The following SLIT3 variants were observed in gnomAD, a reference collection of about 807,000 sequenced individuals.
SLIT3 encodes slit homolog 3 protein.
Under a neutral mutation model 184.0 loss-of-function variants are expected in SLIT3, and 68 were observed. The observed-to-expected ratio is 0.37, with a 90% CI of 0.30 to 0.45. The LOEUF is 0.45. Ranked by LOEUF, SLIT3 falls within the 20% of genes least tolerant of loss-of-function variation. The probability of loss-of-function intolerance (pLI) is 1.00; values close to 1 mark genes in which losing one functional copy is unlikely to be tolerated. For synonymous variants in SLIT3, 831 were observed against 828.6 expected, an observed-to-expected ratio of 1.00 and a Z score of -0.05; for missense variants, 1,707 against 2,026.0, an observed-to-expected ratio of 0.84 and a Z score of 3.02.
intron 1 of SLIT3, among the ~76,000 whole-genome samples, chr5:169,289,205 C>A (rs187510353): frequency 6.6e-6 from 1 of 152,182 alleles, no homozygotes; most frequent in Non-Finnish European, 1.5e-5. Context: ...CTACTCATTT[C>A]GGCTTACATC....
chr5:169,221,120 C>A (rs1764607148), intron 3 of SLIT3, among the ~76,000 whole-genome samples: 1 of 152,212 alleles, frequency 6.6e-6, no homozygotes. Context: ...GATTCCAGAA[C>A]CCATTTTCTC....
chr5:168,702,140 T>C (rs952132429), intron 26 of SLIT3, among the ~76,000 whole-genome samples: 8 of 152,316 alleles, frequency 5.3e-5, no homozygotes, highest in Admixed American at 2.6e-4. Flanking sequence ...TCCTAAACCA[T>C]AACAACACAG....
intron 20 of SLIT3, among the ~76,000 whole-genome samples, chr5:168,745,550 C>A (rs1763773246): frequency 6.6e-6 from 1 of 152,074 alleles, no homozygotes; most frequent in African/African-American, 2.4e-5. Context: ...TAGCTGGAAT[C>A]ACAGGCGTAT....
intron 20 of SLIT3, among the ~76,000 whole-genome samples, chr5:168,728,208 G>A (rs972725408): frequency 2.6e-5 from 4 of 151,544 alleles, no homozygotes; most frequent in African/African-American, 7.3e-5. Context: ...ATGCCCTGCC[G>A]AGGAATTCAT....
chr5:168,804,847 C>A (rs1402466593), intron 9 of SLIT3, among the ~76,000 whole-genome samples: 10 of 152,172 alleles, frequency 6.6e-5, no homozygotes, highest in Non-Finnish European at 1.5e-5. Flanking sequence ...TCCCAGGATG[C>A]GGCCCCTCCT....
chr5:168,882,059 G>T (rs993348662), intron 5 of SLIT3, among the ~76,000 whole-genome samples: 12 of 152,098 alleles, frequency 7.9e-5, no homozygotes, highest in Admixed American at 7.2e-4. Flanking sequence ...AAAGCTTTCC[G>T]CTAAGTCCAC....
chr5:169,178,700 C>T (rs1763059003), intron 4 of SLIT3, among the ~76,000 whole-genome samples: 1 of 152,132 alleles, frequency 6.6e-6, no homozygotes, highest in Non-Finnish European at 1.5e-5. Context: ...CCTTCCTCCC[C>T]TTCTTCCATT....
intron 4 of SLIT3, among the ~76,000 whole-genome samples, chr5:169,147,168 C>T (rs1402344774): frequency 2.0e-5 from 3 of 152,236 alleles, no homozygotes; most frequent in African/African-American, 7.2e-5. Flanking sequence ...TGGGTAGATA[C>T]ACCTTTCACC....
In SLIT3 at chr5:169,191,322, T is replaced by C. The variant is rs570511751; in HGVS notation, c.413+2157A>G. Among the ~76,000 whole-genome samples, 20 of 152,308 alleles carry C rather than the reference T, an allele frequency of 1.3e-4. No individual in the cohort carries two copies. In the South Asian group the frequency reaches 4.1e-3, roughly 32 times the overall value. On this transcript the variant is annotated intron_variant, in intron 4 of 35. Transcript: ENST00000519560. The stretch of plus-strand genomic sequence containing the variant: ...GGACACGGACCCAGCAAGAGATGGA[T>C]ACCAAAATGAGTCAAATACCATTCC...
chr5:168,861,912 T>C (rs1051632775), intron 5 of SLIT3, among the ~76,000 whole-genome samples: 1 of 152,160 alleles, frequency 6.6e-6, no homozygotes, highest in African/African-American at 2.4e-5. Flanking sequence ...GGTGTATTGG[T>C]GTGCAGGGCA....
intron 26 of SLIT3, among the ~76,000 whole-genome samples, chr5:168,703,743 A>G (rs1762289531): frequency 6.6e-6 from 1 of 151,938 alleles, no homozygotes; most frequent in African/African-American, 2.4e-5. Flanking sequence ...CACAAGGTCA[A>G]GAGATTGAGA....
At chr5:168,986,835 T>C (rs969208362) in intron 4 of SLIT3, among the ~76,000 whole-genome samples, 1 of 152,302 alleles carries the variant, frequency 6.6e-6, no homozygotes, top group East Asian at 1.9e-4. Context: ...ATGAGATACA[T>C]ATATAAAAAG....
intron 9 of SLIT3, 24 bp downstream of exon 9, chr5:168,806,422 G>A (rs1292342375): frequency 6.2e-7 from 1 of 1,613,684 alleles, no homozygotes; most frequent in African/African-American, 1.3e-5. Context: ...ACAGTTGTTG[G>A]GGGTGTCAGA....
At chr5:169,012,260 G>A (rs574986502) in intron 4 of SLIT3, 5 of 152,264 alleles carry the variant, frequency 3.3e-5, no homozygotes, top group African/African-American at 1.2e-4. Context: ...CTCACCAACT[G>A]GCAGCCATCC....
chr5:169,158,032 G>T (rs550203821), intron 4 of SLIT3, among the ~76,000 whole-genome samples: 160 of 151,618 alleles, frequency 1.1e-3, no homozygotes, highest in African/African-American at 3.7e-3. Flanking sequence ...AGAAGAGGGA[G>T]AGAAAGGATG....
At chr5:168,824,141 G>A (rs1300659855) in intron 6 of SLIT3, among the ~76,000 whole-genome samples, 4 of 152,068 alleles carry the variant, frequency 2.6e-5, no homozygotes, top group Middle Eastern at 3.2e-3. Context: ...TTCACCATGT[G>A]GGCCAGGCTG....
At chr5:168,923,795 C>T (rs115403595) in intron 4 of SLIT3, among the ~76,000 whole-genome samples, 3,461 of 152,316 alleles carry the variant, frequency 0.023, 129 homozygotes, top group African/African-American at 0.078. Context: ...GGATTACAGG[C>T]ATGAGCCATC....
intron 4 of SLIT3, among the ~76,000 whole-genome samples, chr5:168,986,659 A>T (rs116221320): frequency 0.04 from 6,136 of 152,200 alleles, 156 homozygotes; most frequent in Non-Finnish European, 0.057. Flanking sequence ...TCTCCACCAC[A>T]AGCAGTTTTA....
At chr5:169,251,848 A>T (rs10078402) in intron 1 of SLIT3, among the ~76,000 whole-genome samples, 12,936 of 152,124 alleles carry the variant, frequency 0.085, 1,129 homozygotes, top group African/African-American at 0.2. Context: ...ACCACAGCAA[A>T]TGTTTCAGAA....
Sources: allele counts gnomAD v4.1 joint callset (sites outside exome capture counted in the v4.1 genomes callset), GRCh38; gene constraint gnomAD v4.1.1; transcripts MANE v1.5; gene names NCBI Gene and HGNC (gene_info 2026-07-23, HGNC 2026-07-21).